The following TNFRSF8 variants were observed in gnomAD, a reference collection of about 807,000 sequenced individuals.
TNFRSF8 encodes the protein TNF receptor superfamily member 8, also known as tumor necrosis factor receptor superfamily member 8.
TNFRSF8 carries 26 observed loss-of-function variants against 70.8 expected under a neutral mutation model. That is an observed-to-expected ratio of 0.37 (90% CI 0.27 to 0.51). The LOEUF is 0.51. Among genes scored for constraint, TNFRSF8 ranks in the 20% least tolerant of loss-of-function variants. The pLI is 0.94. For synonymous variants in TNFRSF8, 356 were observed against 339.2 expected (o/e 1.05, Z -0.54); for missense variants, 720 against 807.9 (o/e 0.89, Z 1.32).
chr1:12,119,334 A>G lies in TNFRSF8; in HGVS notation c.946+3605A>G, dbSNP rs368883895. 9.2e-5 allele frequency among the ~76,000 whole-genome samples: 14 copies of G among 152,266 alleles called. 3 individuals are homozygous for G. Among genetic ancestry groups the G allele is most frequent in the Admixed American group, 6.5e-5 (1 of 15,294 alleles). ...GGTCTTTGGCACCCCAAAGTGCTCC[A>G]GGCGTCTCCCCCACAGTGGCAGCCT... On this transcript the variant is annotated intron_variant, in intron 8 of 14. Coordinates refer to ENST00000263932, the MANE Select transcript of TNFRSF8 (RefSeq NM_001243.5). The surrounding 1 kb of genome is among the most constrained non-coding windows in gnomAD (Gnocchi z 4.4).
intron 14 of TNFRSF8, among the ~76,000 whole-genome samples, chr1:12,139,601 G>GC (rs1163350981): frequency 6.6e-6 from 1 of 152,186 alleles, no homozygotes; most frequent in Non-Finnish European, 1.5e-5. Flanking sequence ...TGTGGGCAGG[G>GC]CCTTGGTGGA....
chr1:12,080,617 G>A, intron 1 of TNFRSF8: 1 of 325,580 alleles, frequency 3.1e-6, no homozygotes, highest in Non-Finnish European at 6.0e-6. Context: ...GAGTGCAATG[G>A]TGCGTTCTTG....
intron 10 of TNFRSF8, among the ~76,000 whole-genome samples, chr1:12,124,193 G>A (rs1351758267): frequency 6.6e-6 from 1 of 151,950 alleles, no homozygotes; most frequent in Non-Finnish European, 1.5e-5. Flanking sequence ...ATTTTTAGTA[G>A]AGACGGGGTT....
rs2101001937 is a variant in TNFRSF8, at chr1:12,108,625, A to G, written c.422-941A>G. ...CACCTGAGGTCAGGAGTTCGAGACC[A>G]GCCTGGCCAACATGGCGAAACCCTG... On this transcript the variant is annotated intron_variant, in intron 4 of 14. Coordinates refer to ENST00000263932, the MANE Select transcript of TNFRSF8 (RefSeq NM_001243.5). The surrounding 1 kb of genome is among the most constrained non-coding windows in gnomAD (Gnocchi z 4.0). 6.6e-6 allele frequency among the ~76,000 whole-genome samples: 1 copy of G among 152,220 alleles called. No individual in the cohort carries two copies. The highest frequency in any genetic ancestry group is 2.4e-5 in the African/African-American group (1 of 41,550).
chr1:12,078,301 T>C (rs1203308625), intron 1 of TNFRSF8, among the ~76,000 whole-genome samples: 2 of 152,110 alleles, frequency 1.3e-5, no homozygotes, highest in Admixed American at 6.6e-5. Flanking sequence ...TGGTGGCTCA[T>C]GCCTGTAATC....
At chr1:12,120,478 G>C (rs1641809944) in intron 8 of TNFRSF8, among the ~76,000 whole-genome samples, 1 of 152,152 alleles carries the variant, frequency 6.6e-6, no homozygotes, top group African/African-American at 2.4e-5. Flanking sequence ...AAACTCCCGG[G>C]AAAAGAAAAA....
rs199941905 is a variant in TNFRSF8, at chr1:12,108,074, A to ATTT, written c.422-1487_422-1485dup. 1.6e-4 allele frequency among the ~76,000 whole-genome samples: 24 copies of ATTT among 146,204 alleles called. 1 individual carries two copies. Among genetic ancestry groups the ATTT allele is most frequent in the African/African-American group, 5.5e-4 (22 of 39,770 alleles). On this transcript the variant is annotated intron_variant, in intron 4 of 14. Coordinates refer to ENST00000263932, the MANE Select transcript of TNFRSF8 (RefSeq NM_001243.5). The surrounding 1 kb of genome is among the most constrained non-coding windows in gnomAD (Gnocchi z 4.0). ...CGAAGTCCCACACATACAGGCCACC[A>ATTT]TTTTTTTATTTTTTTTTTTTTTGTG...
At chr1:12,078,183 G>A (rs1640999559) in intron 1 of TNFRSF8, among the ~76,000 whole-genome samples, 1 of 152,162 alleles carries the variant, frequency 6.6e-6, no homozygotes. Flanking sequence ...GTGAGGAAGA[G>A]CTGGTAGATG....
chr1:12,102,183 A>G (rs1641435511), intron 3 of TNFRSF8, among the ~76,000 whole-genome samples: 1 of 152,036 alleles, frequency 6.6e-6, no homozygotes, highest in African/African-American at 2.4e-5. Context: ...AGTTCTGTGC[A>G]CATCATATCT....
intron 1 of TNFRSF8, among the ~76,000 whole-genome samples, chr1:12,073,614 G>C (rs1389791854): frequency 9.8e-6 from 1 of 101,580 alleles, no homozygotes. Flanking sequence ...TCATTTTCTT[G>C]ACAGAGTCTC....
Position 12,118,778 on chromosome 1 carries a change from A to C in TNFRSF8, c.946+3049A>C, listed in dbSNP as rs79149542. Among the ~76,000 whole-genome samples, 1,438 of 152,342 alleles carry C rather than the reference A, an allele frequency of 9.4e-3. 25 individuals are homozygous for C. Among genetic ancestry groups the C allele is most frequent in the African/African-American group, 0.032 (1,349 of 41,584 alleles). On this transcript the variant is annotated intron_variant, in intron 8 of 14. Coordinates refer to ENST00000263932, the MANE Select transcript of TNFRSF8 (RefSeq NM_001243.5). ...CCTTTCTCCTCTGTAGGGAGCATGC[A>C]GTTAAGCCTTGCCAGCAGAGGGCGC...
chr1:12,081,657 CAA>C (rs398102446), intron 1 of TNFRSF8, among the ~76,000 whole-genome samples: 9 of 145,612 alleles, frequency 6.2e-5, no homozygotes, highest in African/African-American at 1.0e-4. Context: ...TTCAGACATG[CAA>C]AAAAAAAAAA....
intron 2 of TNFRSF8, among the ~76,000 whole-genome samples, chr1:12,086,727 TGAGG>T (rs746712758): frequency 6.6e-6 from 1 of 152,052 alleles, no homozygotes; most frequent in Non-Finnish European, 1.5e-5. Flanking sequence ...TGGTTTCTGG[TGAGG>T]GCTGTCTTCT....
intron 12 of TNFRSF8, among the ~76,000 whole-genome samples, chr1:12,130,801 G>T (rs929130328): frequency 6.6e-6 from 1 of 152,256 alleles, no homozygotes; most frequent in Non-Finnish European, 1.5e-5. Context: ...GAAGACAGTG[G>T]TTATTCCAAA....
At chr1:12,080,266 G>T (rs1641041201) in intron 1 of TNFRSF8, 4 of 519,698 alleles carry the variant, frequency 7.7e-6, no homozygotes, top group South Asian at 5.6e-5. Context: ...TCCCAGTTTT[G>T]TTGGCAACAT....
intron 1 of TNFRSF8, among the ~76,000 whole-genome samples, chr1:12,076,627 C>T (rs1167375062): frequency 1.3e-5 from 2 of 152,146 alleles, no homozygotes; most frequent in Non-Finnish European, 2.9e-5. Context: ...CACACTCTTT[C>T]TCAGCTGTGC....
At chr1:12,126,610 C>T (rs1318550090) in intron 12 of TNFRSF8, among the ~76,000 whole-genome samples, 1 of 152,200 alleles carries the variant, frequency 6.6e-6, no homozygotes, top group African/African-American at 2.4e-5. Context: ...CTCCCTCTCC[C>T]TCCTTCTCTT....
chr1:12,123,902 G>C, intron 10 of TNFRSF8, 75 bp downstream of exon 10: 1 of 1,309,396 alleles, frequency 7.6e-7, no homozygotes, highest in South Asian at 1.3e-5. Flanking sequence ...GGGGGAGCCA[G>C]GAGGGAGCTT....
intron 2 of TNFRSF8, among the ~76,000 whole-genome samples, chr1:12,096,747 A>G (rs1641338135): frequency 6.6e-6 from 1 of 152,124 alleles, no homozygotes; most frequent in South Asian, 2.1e-4. Flanking sequence ...GGGTCCTATT[A>G]CTAACTTAAT....
Sources: allele counts gnomAD v4.1 joint callset (sites outside exome capture counted in the v4.1 genomes callset), GRCh38; gene constraint gnomAD v4.1.1; non-coding constraint Gnocchi (gnomAD v3.1); transcripts MANE v1.5; gene names NCBI Gene and HGNC (gene_info 2026-07-23, HGNC 2026-07-21).